Variants in ATP2C1 observed in about 807,000 individuals in gnomAD.
ATP2C1 encodes calcium-transporting ATPase type 2C member 1.
A neutral mutation model predicts 120.5 loss-of-function variants in ATP2C1; 31 were observed. That is an observed-to-expected ratio of 0.26 (90% confidence interval 0.19 to 0.35). The LOEUF is 0.35. ATP2C1 is among the 10% of genes least tolerant of loss of function. The pLI, the probability that ATP2C1 is intolerant of heterozygous loss-of-function variation, is 1.00. For missense variants in ATP2C1, 731 were observed against 1,107.5 expected (o/e 0.66, Z 4.83); for synonymous variants, 351 against 358.7 (o/e 0.98, Z 0.24).
intron 12 of ATP2C1, among the ~76,000 whole-genome samples, chr3:130,961,252 T>G (rs1171470214): frequency 6.9e-4 from 2 of 2,886 alleles, no homozygotes; most frequent in Non-Finnish European, 4.5e-3. Flanking sequence ...GGATTTGGGT[T>G]TTTTTTTTTT....
chr3:130,872,654 G>T (rs1047020946), intron 1 of ATP2C1, among the ~76,000 whole-genome samples: 1 of 151,484 alleles, frequency 6.6e-6, no homozygotes, highest in African/African-American at 2.4e-5. Context: ...GCACGAAATC[G>T]GCTCACTGCA....
rs1029847818 is a variant in ATP2C1, at chr3:130,986,431, TAAGGTG to T, written c.1839+5755_1839+5760del. Among the ~76,000 whole-genome samples, 10 of 152,260 alleles carry T rather than the reference TAAGGTG, an allele frequency of 6.6e-5. No individual in the cohort carries two copies. The South Asian group carries it at 1.9e-3, about 28-fold the overall frequency. On this transcript the variant is annotated intron_variant, in intron 20 of 27. Coordinates refer to ENST00000510168, the MANE Select transcript of ATP2C1 (RefSeq NM_001378687.1). ...TGTCCTCTGGCTCTCTTATAAAAAT[TAAGGTG>T]AACTCTGGAAACCAACCAAAGATAG...
chr3:130,890,432 A>G (rs1488749268), upstream of ATP2C1, among the ~76,000 whole-genome samples: 2 of 152,238 alleles, frequency 1.3e-5, no homozygotes, highest in African/African-American at 2.4e-5. Context: ...ATCTGAGCCA[A>G]TGAATGGAGA....
chr3:130,890,667 A>G (rs1246415850), upstream of ATP2C1, among the ~76,000 whole-genome samples: 2 of 152,174 alleles, frequency 1.3e-5, no homozygotes, highest in Non-Finnish European at 2.9e-5. Flanking sequence ...GAGTCCTTCA[A>G]TTTTTATTCT....
Position 130,894,277 on chromosome 3 carries a change from G to GC in ATP2C1, c.-236dup. ...CCTCTTCTCCCGAGGCGCGCGGGGC[G>GC]CCCCCGCGAGCCCCGCGGCTGAGAC... On this transcript the variant is annotated 5_prime_UTR_variant, in exon 1 of 28. Coordinates refer to ENST00000510168, the MANE Select transcript of ATP2C1 (RefSeq NM_001378687.1). This position sits in a 1 kb window ranked among gnomAD's most constrained non-coding sequence, Gnocchi z 4.5. The GC allele has an allele frequency of 2.0e-6, 2 of 985,940 alleles. No homozygotes were observed. Among genetic ancestry groups the GC allele is most frequent in the Non-Finnish European group, 2.4e-6 (2 of 830,338 alleles). 61.1% of individuals were successfully genotyped at this position (985,940 alleles called of 1,614,324 possible). A position where few individuals can be genotyped will look rare whatever the true frequency, so the allele number is the denominator to read the frequency against.
At chr3:130,856,394 A>G (rs2067841552) in intron 1 of ATP2C1, among the ~76,000 whole-genome samples, 1 of 152,256 alleles carries the variant, frequency 6.6e-6, no homozygotes, top group Non-Finnish European at 1.5e-5. Context: ...TGAGATTTCC[A>G]AGGCTAAATA....
chr3:130,969,404 T>C lies in ATP2C1; in HGVS notation c.1413+8T>C. 1 of 1,605,594 alleles carries C rather than the reference T, an allele frequency of 6.2e-7. No individual in the cohort carries two copies. The highest frequency in any genetic ancestry group is 8.5e-7 in the Non-Finnish European group (1 of 1,172,500). ...GTACACCGAACACAGCAGGTATCCA[T>C]CTGTTTAAAGAATACTTATTTCCTG... On this transcript the variant is annotated splice_region_variant and intron_variant, in intron 17 of 27. Coordinates refer to ENST00000510168, the MANE Select transcript of ATP2C1 (RefSeq NM_001378687.1).
intron 1 of ATP2C1, among the ~76,000 whole-genome samples, chr3:130,861,605 T>G (rs1363301222): frequency 1.3e-5 from 2 of 152,130 alleles, no homozygotes; most frequent in African/African-American, 4.8e-5. Flanking sequence ...GCTAATCTCT[T>G]CCCCCAAACA....
chr3:130,901,265 G>A (rs966612890), intron 2 of ATP2C1, among the ~76,000 whole-genome samples: 4 of 152,060 alleles, frequency 2.6e-5, no homozygotes, highest in Non-Finnish European at 4.4e-5. Context: ...CCCCACCCCA[G>A]AGAAAGATGT....
intron 1 of ATP2C1, among the ~76,000 whole-genome samples, chr3:130,870,916 C>T (rs1257408758): frequency 1.3e-5 from 2 of 152,116 alleles, no homozygotes; most frequent in African/African-American, 4.8e-5. Flanking sequence ...ATGCACCAAA[C>T]TTTATTATTG....
chr3:131,009,382 G>A (rs938894617), intron 26 of ATP2C1, among the ~76,000 whole-genome samples: 2 of 152,156 alleles, frequency 1.3e-5, no homozygotes, highest in African/African-American at 4.8e-5. Flanking sequence ...TTGAGAGAAA[G>A]ACTTAGCTAT....
intron 1 of ATP2C1, among the ~76,000 whole-genome samples, chr3:130,853,174 A>G (rs1231987358): frequency 6.6e-6 from 1 of 152,218 alleles, no homozygotes; most frequent in Non-Finnish European, 1.5e-5. Context: ...AGCCGTAAGT[A>G]AAAATAATTA....
At chr3:130,923,608 C>G (rs562426686) in intron 2 of ATP2C1, among the ~76,000 whole-genome samples, 11 of 152,108 alleles carry the variant, frequency 7.2e-5, no homozygotes, top group Admixed American at 5.2e-4. Flanking sequence ...TGGCTCACAC[C>G]TGTAATCCTA....
At chr3:130,913,263 TAA>T (rs933268865) in intron 2 of ATP2C1, among the ~76,000 whole-genome samples, 1 of 146,276 alleles carries the variant, frequency 6.8e-6, no homozygotes, top group Non-Finnish European at 1.5e-5. Context: ...TAAATAAATT[TAA>T]AAAAAAAAAA....
chr3:130,887,174 CCAAA>C (rs1034045532), intron 1 of ATP2C1, among the ~76,000 whole-genome samples: 1 of 152,104 alleles, frequency 6.6e-6, no homozygotes, highest in Non-Finnish European at 1.5e-5. Flanking sequence ...TTACTTTTTC[CCAAA>C]CAAATGAAGT....
chr3:130,944,780 A>G (rs755979237), intron 8 of ATP2C1, among the ~76,000 whole-genome samples: 1 of 152,188 alleles, frequency 6.6e-6, no homozygotes, highest in Non-Finnish European at 1.5e-5. Context: ...GGTTGAGCCA[A>G]GATAGTTTTC....
intron 2 of ATP2C1, chr3:130,919,079 C>T (rs903558496): frequency 1.7e-5 from 8 of 476,074 alleles, no homozygotes; most frequent in African/African-American, 4.2e-5. Flanking sequence ...ACGGCCCTCC[C>T]GCAGACCCCA....
At chr3:130,959,151 C>T in intron 11 of ATP2C1, 124 bp from the exon 12 acceptor site, 2 of 680,500 alleles carry the variant, frequency 2.9e-6, no homozygotes, top group Non-Finnish European at 5.2e-6. Flanking sequence ...ATAAAATCTT[C>T]TAATTGTGAT....
intron 21 of ATP2C1, 117 bp downstream of exon 21, chr3:130,993,118 AAC>A (rs1334578796): frequency 8.0e-6 from 7 of 876,012 alleles, no homozygotes; most frequent in Admixed American, 2.3e-5. Context: ...TGTGAAGCAA[AAC>A]AGTTTTTTTT....
Sources: allele counts gnomAD v4.1 joint callset (sites outside exome capture counted in the v4.1 genomes callset), GRCh38; gene constraint gnomAD v4.1.1; non-coding constraint Gnocchi (gnomAD v3.1); transcripts MANE v1.5; gene names NCBI Gene and HGNC (gene_info 2026-07-23, HGNC 2026-07-21).